The following ZNF423 variants were observed in gnomAD, a reference collection of about 807,000 sequenced individuals.
ZNF423 encodes zinc finger protein 423, also known as Ebf-associated zinc finger protein.
Under a neutral mutation model 95.8 loss-of-function variants are expected in ZNF423, and 12 were observed. That is an observed-to-expected ratio of 0.13 (90% CI 0.08 to 0.20). The LOEUF (loss-of-function observed/expected upper bound fraction) is 0.20. Among genes scored for constraint, ZNF423 ranks in the 10% least tolerant of loss-of-function variants. The pLI, the probability that ZNF423 is intolerant of heterozygous loss-of-function variation, is 1.00. For missense variants in ZNF423, 1,316 were observed against 1,737.1 expected, an observed-to-expected ratio of 0.76 and a Z score of 4.31; for synonymous variants, 749 against 711.9, an observed-to-expected ratio of 1.05 and a Z score of -0.83.
rs575439881 is a variant in ZNF423, at chr16:49,522,597, T to A, written c.3849+1027A>T. On this transcript the variant is annotated intron_variant, in intron 7 of 7. Coordinates refer to ENST00000563137, the MANE Select transcript of ZNF423 (RefSeq NM_001379286.1). ...TCCCGACAGGCTCATTCTTGGTATGTGACATTTCGGCATGTCCGTCTATGT... is the reference window on the plus strand; with the variant it reads ...TCCCGACAGGCTCATTCTTGGTATGAGACATTTCGGCATGTCCGTCTATGT... Among the ~76,000 whole-genome samples, 106 of 152,258 alleles carry A rather than the reference T, an allele frequency of 7.0e-4. 1 individual carries two copies. Among genetic ancestry groups the A allele is most frequent in the Non-Finnish European group, 1.4e-3 (92 of 68,030 alleles).
intron 2 of ZNF423, among the ~76,000 whole-genome samples, chr16:49,766,535 C>A (rs1429728891): frequency 1.3e-5 from 2 of 152,216 alleles, no homozygotes; most frequent in African/African-American, 4.8e-5. Context: ...CAGAGCAAGT[C>A]CCAGGCTCTG....
intron 5 of ZNF423, among the ~76,000 whole-genome samples, chr16:49,576,564 G>C (rs1970508357): frequency 6.6e-6 from 1 of 152,190 alleles, no homozygotes; most frequent in Non-Finnish European, 1.5e-5. Context: ...GCAGTCCGTA[G>C]CTCAAGGCCA....
At chr16:49,520,966 G>A (rs932134012) in intron 7 of ZNF423, among the ~76,000 whole-genome samples, 4 of 152,142 alleles carry the variant, frequency 2.6e-5, no homozygotes, top group African/African-American at 9.7e-5. Flanking sequence ...GTAATTTAGC[G>A]GTTTCTCAGT....
intron 3 of ZNF423, among the ~76,000 whole-genome samples, chr16:49,691,209 C>A (rs985389134): frequency 6.6e-6 from 1 of 152,260 alleles, no homozygotes; most frequent in Admixed American, 6.5e-5. Context: ...TTCGAAGTTT[C>A]CAACTTGTAG....
At chr16:49,660,924 A>C (rs1430653053) in intron 3 of ZNF423, among the ~76,000 whole-genome samples, 1 of 152,190 alleles carries the variant, frequency 6.6e-6, no homozygotes, top group Admixed American at 6.5e-5. Flanking sequence ...CCATGCTCTT[A>C]AAGATACAGA....
At chr16:49,837,014 TG>T (rs1227760311) in intron 1 of ZNF423, among the ~76,000 whole-genome samples, 1 of 152,146 alleles carries the variant, frequency 6.6e-6, no homozygotes, top group Non-Finnish European at 1.5e-5. Context: ...CAATTCAAAG[TG>T]GACTGTGGAC....
chr16:49,578,934 GGT>G (rs1301883832), intron 5 of ZNF423, among the ~76,000 whole-genome samples: 1 of 152,084 alleles, frequency 6.6e-6, no homozygotes, highest in Non-Finnish European at 1.5e-5. Context: ...GGACTGAGAG[GGT>G]GTGTGTGTTT....
chr16:49,638,340 G>A lies in ZNF423; in HGVS notation c.836C>T (p.Thr279Ile), dbSNP rs1972837180. 1 of 1,613,990 alleles carries A rather than the reference G, an allele frequency of 6.2e-7. No individual in the cohort carries two copies. Among genetic ancestry groups the A allele is most frequent in the Non-Finnish European group, 8.5e-7 (1 of 1,180,052 alleles). Residue 279 changes from threonine (T) to isoleucine (I), a missense_variant, in exon 4 of 8, where the codon ACC (threonine) becomes ATC (isoleucine). Physicochemically the swap from Thr to Ile is moderately conservative, Grantham distance 89. Transcript: ENST00000563137. This position sits in a 1 kb window ranked among gnomAD's most constrained non-coding sequence, Gnocchi z 5.6. ...DDFMCDYCED[T>I]FSQTEELEKH... ...CTCCAGCTCCTCCGTCTGGCTGAAG[G>A]TGTCCTCGCAGTAGTCGCACATGAA...
rs370196368 is a variant in ZNF423 at position 49,745,088 on chromosome 16, G to A, written c.101-14117C>T. On this transcript the variant is annotated intron_variant, in intron 2 of 7. Transcript: ENST00000563137. Reference sequence around the variant, plus strand: ...CGGTCTGGCTCAAAAATTAGAAAGCGGGCTCTTTGTATCATTATTGCTTTT... The same window carrying A: ...CGGTCTGGCTCAAAAATTAGAAAGCAGGCTCTTTGTATCATTATTGCTTTT... Among the ~76,000 whole-genome samples the A allele has an allele frequency of 1.8e-4, 27 of 151,954 alleles. No individual in the cohort carries two copies. In the East Asian group the frequency reaches 4.4e-3, roughly 25 times the overall value.
At position 49,835,872 on chromosome 16, in the gene ZNF423, C is replaced by T. The variant is rs117701973; in HGVS notation, c.40+19863G>A. Among the ~76,000 whole-genome samples, 1,003 of 152,310 alleles carry T rather than the reference C, an allele frequency of 6.6e-3. 7 individuals carry two copies. The highest frequency in any genetic ancestry group is 0.011 in the Non-Finnish European group (724 of 68,016). Reference sequence around the variant, plus strand: ...GAAAACGGGGCCCAGGAGGGGCACACACCCACAGGTTCCAACTTAAGCCCC... The same window carrying T: ...GAAAACGGGGCCCAGGAGGGGCACATACCCACAGGTTCCAACTTAAGCCCC... On this transcript the variant is annotated intron_variant, in intron 1 of 7. Coordinates refer to ENST00000563137, the MANE Select transcript of ZNF423 (RefSeq NM_001379286.1).
At chr16:49,843,937 T>A (rs1387467601) in intron 1 of ZNF423, among the ~76,000 whole-genome samples, 1 of 152,058 alleles carries the variant, frequency 6.6e-6, no homozygotes, top group East Asian at 1.9e-4. Context: ...GCCATGGCAA[T>A]GATGTAGCAG....
intron 5 of ZNF423, among the ~76,000 whole-genome samples, chr16:49,565,835 T>C (rs899196005): frequency 1.4e-5 from 2 of 144,268 alleles, no homozygotes; most frequent in Admixed American, 7.1e-5. Context: ...GGAAGAAAAG[T>C]AGGAAAATAA....
chr16:49,493,610 G>A (rs984679684), intron 7 of ZNF423, among the ~76,000 whole-genome samples: 5 of 152,160 alleles, frequency 3.3e-5, no homozygotes, highest in African/African-American at 1.2e-4. Context: ...GAAGAGAGGG[G>A]ACATGAGGAA....
chr16:49,502,973 A>T (rs61439131), intron 7 of ZNF423, among the ~76,000 whole-genome samples: 19,078 of 148,710 alleles, frequency 0.13, 1,404 homozygotes, highest in East Asian at 0.22. Context: ...ATGCACACTC[A>T]CACACACACG....
chr16:49,701,821 G>A (rs1164421658), intron 3 of ZNF423, among the ~76,000 whole-genome samples: 2 of 152,054 alleles, frequency 1.3e-5, no homozygotes, highest in Non-Finnish European at 2.9e-5. Context: ...ACTCAATTTT[G>A]TCCTTTAGCA....
chr16:49,793,507 AT>A (rs1179122045), intron 1 of ZNF423, among the ~76,000 whole-genome samples: 1 of 152,200 alleles, frequency 6.6e-6, no homozygotes, highest in Middle Eastern at 3.2e-3. Flanking sequence ...TGTTTAATGT[AT>A]ACAATAATTG....
chr16:49,646,458 G>A (rs988750390), intron 3 of ZNF423, among the ~76,000 whole-genome samples: 4 of 152,146 alleles, frequency 2.6e-5, no homozygotes, highest in Middle Eastern at 3.2e-3. Context: ...TTGAGGGCAA[G>A]AGAGGGTGCA....
At chr16:49,566,756 G>T (rs1203666237) in intron 5 of ZNF423, among the ~76,000 whole-genome samples, 5 of 152,202 alleles carry the variant, frequency 3.3e-5, no homozygotes, top group African/African-American at 4.8e-5. Flanking sequence ...GAGACTAATG[G>T]CTTGGCGGGC....
At chr16:49,660,739 C>T (rs1036503498) in intron 3 of ZNF423, among the ~76,000 whole-genome samples, 14 of 150,590 alleles carry the variant, frequency 9.3e-5, no homozygotes, top group African/African-American at 2.4e-4. Flanking sequence ...GAAGCACGGA[C>T]GGAGGCAGAA....
Sources: allele counts gnomAD v4.1 joint callset (sites outside exome capture counted in the v4.1 genomes callset), GRCh38; gene constraint gnomAD v4.1.1; non-coding constraint Gnocchi (gnomAD v3.1); transcripts MANE v1.5; gene names NCBI Gene and HGNC (gene_info 2026-07-23, HGNC 2026-07-21).